The following TCF4 variants were observed in gnomAD, a reference collection of about 807,000 sequenced individuals.
The protein encoded by TCF4 is SL3-3 enhancer factor 2.
A neutral mutation model predicts 82.1 loss-of-function variants in TCF4; 3 were observed. The observed-to-expected ratio is 0.04, with a 90% CI of 0.02 to 0.09. The LOEUF (loss-of-function observed/expected upper bound fraction) is 0.09. Ranked by LOEUF, TCF4 falls within the 10% of genes least tolerant of loss-of-function variation. TCF4 has a pLI of 1.00. For missense variants in TCF4, 518 were observed against 852.7 expected (o/e 0.61, Z 4.89); for synonymous variants, 276 against 309.6 (o/e 0.89, Z 1.14).
intron 11 of TCF4, among the ~76,000 whole-genome samples, chr18:55,264,064 A>T (rs1444455747): frequency 2.0e-5 from 3 of 152,188 alleles, no homozygotes; most frequent in Admixed American, 1.3e-4. Flanking sequence ...TTTTAGGAGC[A>T]TTTAAAAACT....
intron 3 of TCF4, among the ~76,000 whole-genome samples, chr18:55,470,614 A>T (rs2096153809): frequency 6.6e-6 from 1 of 152,160 alleles, no homozygotes; most frequent in Non-Finnish European, 1.5e-5. Context: ...ATTTGAAATA[A>T]ACAAGTATGA....
chr18:55,529,939 C>T (rs756292828), intron 3 of TCF4, among the ~76,000 whole-genome samples: 2 of 152,068 alleles, frequency 1.3e-5, no homozygotes, highest in Non-Finnish European at 2.9e-5. Flanking sequence ...AAGGACCTAA[C>T]GCAGTTTTGT....
chr18:55,376,704 G>A (rs774797295), intron 6 of TCF4, among the ~76,000 whole-genome samples: 1 of 152,114 alleles, frequency 6.6e-6, no homozygotes, highest in Non-Finnish European at 1.5e-5. Flanking sequence ...GCATGCCAAT[G>A]TCCCACATTC....
chr18:55,306,665 ACTC>A (rs1373267075), intron 8 of TCF4, among the ~76,000 whole-genome samples: 1 of 152,168 alleles, frequency 6.6e-6, no homozygotes, highest in African/African-American at 2.4e-5. Flanking sequence ...AAGACCAGGA[ACTC>A]CGTTTTCAAG....
chr18:55,261,820 C>T (rs1178396191), intron 11 of TCF4, among the ~76,000 whole-genome samples: 2 of 152,152 alleles, frequency 1.3e-5, no homozygotes, highest in African/African-American at 2.4e-5. Flanking sequence ...AGCTATGTGA[C>T]GGTCATTGCT....
chr18:55,537,554 C>G (rs778470124), intron 3 of TCF4, among the ~76,000 whole-genome samples: 2 of 151,140 alleles, frequency 1.3e-5, no homozygotes, highest in Non-Finnish European at 3.0e-5. Context: ...GATCATGCCA[C>G]TGCACTCCAG....
intron 6 of TCF4, among the ~76,000 whole-genome samples, chr18:55,357,507 T>A (rs2083865647): frequency 6.6e-6 from 1 of 152,210 alleles, no homozygotes. Flanking sequence ...AATAGAACAA[T>A]TTGAATATGA....
At chr18:55,244,868 G>A (rs1336526136) in intron 15 of TCF4, among the ~76,000 whole-genome samples, 1 of 152,184 alleles carries the variant, frequency 6.6e-6, no homozygotes, top group East Asian at 1.9e-4. Flanking sequence ...CAGAAGCCAG[G>A]GAGAAGGCAA....
At chr18:55,349,561 G>T (rs1234295776) in intron 8 of TCF4, among the ~76,000 whole-genome samples, 1 of 151,936 alleles carries the variant, frequency 6.6e-6, no homozygotes, top group African/African-American at 2.4e-5. Context: ...TGAAAAAAAG[G>T]AGGAAGGATA....
intron 15 of TCF4, among the ~76,000 whole-genome samples, chr18:55,246,236 T>C (rs1424026817): frequency 6.9e-6 from 1 of 144,880 alleles, no homozygotes; most frequent in Non-Finnish European, 1.6e-5. Flanking sequence ...AATACACGTG[T>C]GTGTGTGTGT....
At chr18:55,346,810 T>C (rs1238931873) in intron 8 of TCF4, among the ~76,000 whole-genome samples, 1 of 152,198 alleles carries the variant, frequency 6.6e-6, no homozygotes, top group Non-Finnish European at 1.5e-5. Context: ...GATAATGCCT[T>C]TGCTTTGTTT....
chr18:55,613,483 GGTA>G (rs2097709084), intron 2 of TCF4, among the ~76,000 whole-genome samples: 1 of 151,990 alleles, frequency 6.6e-6, no homozygotes, highest in Non-Finnish European at 1.5e-5. Context: ...TTTATTGCTG[GGTA>G]GTATTTTCTG....
intron 3 of TCF4, among the ~76,000 whole-genome samples, chr18:55,517,283 C>T (rs993374702): frequency 6.6e-6 from 1 of 152,122 alleles, no homozygotes; most frequent in Non-Finnish European, 1.5e-5. Context: ...GGGTGATTTT[C>T]TACCATGATG....
At chr18:55,277,215 T>A (rs886294016) in intron 9 of TCF4, among the ~76,000 whole-genome samples, 3 of 152,192 alleles carry the variant, frequency 2.0e-5, no homozygotes, top group African/African-American at 7.2e-5. Flanking sequence ...TGAAAACACA[T>A]GATTTTTTTT....
At chr18:55,265,843 TGGTG>T (rs2059051750) in intron 11 of TCF4, 1 of 152,200 alleles carries the variant, frequency 6.6e-6, no homozygotes, top group Non-Finnish European at 1.5e-5. Flanking sequence ...CTTTAGCATA[TGGTG>T]TATTAAATCA....
At chr18:55,495,629 A>T (rs1323484269) in intron 3 of TCF4, 1 of 152,202 alleles carries the variant, frequency 6.6e-6, no homozygotes, top group Non-Finnish European at 1.5e-5. Flanking sequence ...CAACCAAATC[A>T]GTTTTTGGAG....
chr18:55,312,864 A>C (rs553816418), intron 8 of TCF4, among the ~76,000 whole-genome samples: 26 of 152,284 alleles, frequency 1.7e-4, no homozygotes, highest in Non-Finnish European at 2.6e-4. Flanking sequence ...AATACGGCAC[A>C]GGTCTTTTTC....
intron 5 of TCF4, among the ~76,000 whole-genome samples, chr18:55,415,841 T>G (rs2094506873): frequency 6.6e-6 from 1 of 152,168 alleles, no homozygotes; most frequent in Admixed American, 6.5e-5. Context: ...CTAACATAAT[T>G]AACACATATT....
intron 3 of TCF4, among the ~76,000 whole-genome samples, chr18:55,507,762 G>C (rs184077694): frequency 2.1e-3 from 326 of 152,196 alleles, no homozygotes; most frequent in Middle Eastern, 3.4e-3. Context: ...GTGTGGATTG[G>C]GGAGAAGATT....
Sources: gnomAD v4.1 joint callset for allele counts (sites outside exome capture counted in the v4.1 genomes callset) on GRCh38, gnomAD v4.1.1 for gene constraint, MANE v1.5 for transcripts, NCBI Gene and HGNC (gene_info 2026-07-23, HGNC 2026-07-21) for gene names.